The following CDC42BPA variants were observed in gnomAD, a reference collection of about 807,000 sequenced individuals.
CDC42BPA encodes serine/threonine-protein kinase MRCK alpha.
CDC42BPA carries 80 observed loss-of-function variants against 223.5 expected under a neutral mutation model. The ratio of observed to expected loss-of-function variants is 0.36; its 90% CI spans 0.30 to 0.43. The LOEUF (loss-of-function observed/expected upper bound fraction) is 0.43, where lower values mean the gene tolerates loss of function less well. CDC42BPA is among the 20% of genes least tolerant of loss of function. The pLI is 1.00. For synonymous variants in CDC42BPA, 694 were observed against 718.6 expected (o/e 0.97, Z 0.55); for missense variants, 1,743 against 2,099.9 (o/e 0.83, Z 3.32).
intron 27 of CDC42BPA, among the ~76,000 whole-genome samples, chr1:227,032,041 T>C (rs1376007395): frequency 6.6e-6 from 1 of 152,206 alleles, no homozygotes; most frequent in African/African-American, 2.4e-5. Flanking sequence ...CCATACTGAC[T>C]TGTGACTTGT....
intron 1 of CDC42BPA, among the ~76,000 whole-genome samples, chr1:227,284,980 AT>A (rs1278542717): frequency 6.6e-6 from 1 of 151,136 alleles, no homozygotes; most frequent in Non-Finnish European, 1.5e-5. Flanking sequence ...AAAAAAAATA[AT>A]CCCCTTTGTT....
chr1:227,108,731 T>G (rs1686366336), intron 14 of CDC42BPA, among the ~76,000 whole-genome samples: 2 of 152,182 alleles, frequency 1.3e-5, no homozygotes, highest in South Asian at 4.1e-4. Context: ...TCCTCCCATA[T>G]ACTTTAAATC....
chr1:227,030,619 TA>T (rs1239157149), intron 28 of CDC42BPA, 149 bp from the exon 29 acceptor site: 5 of 529,826 alleles, frequency 9.4e-6, no homozygotes, highest in Admixed American at 3.9e-5. Flanking sequence ...ATTATACTGG[TA>T]AATCTCTCAT....
At chr1:227,083,883 G>C (rs1681247673) in intron 16 of CDC42BPA, among the ~76,000 whole-genome samples, 1 of 152,146 alleles carries the variant, frequency 6.6e-6, no homozygotes, top group Non-Finnish European at 1.5e-5. Flanking sequence ...AACTTGATAG[G>C]CAATGCACTT....
At chr1:227,250,190 A>T (rs999054740) in intron 2 of CDC42BPA, among the ~76,000 whole-genome samples, 8 of 152,140 alleles carry the variant, frequency 5.3e-5, no homozygotes, top group Admixed American at 2.6e-4. Flanking sequence ...AAATTAAAAA[A>T]AATAATAATA....
Position 226,992,543 on chromosome 1 carries a change from C to G in CDC42BPA, c.*1725G>C, listed in dbSNP as rs1464015848. On this transcript the variant is annotated 3_prime_UTR_variant, in exon 37 of 37. Coordinates refer to ENST00000366766, the MANE Select transcript of CDC42BPA (RefSeq NM_001394014.1). ...GCCACCTCAGTGACACGCAGGTCAC[C>G]TCAGTGACACAGACGTGGAGTCACA... 1.3e-5 allele frequency: 2 copies of G among 152,310 alleles called. No individual in the cohort carries two copies. The highest frequency in any genetic ancestry group is 1.3e-4 in the Admixed American group (2 of 15,288). The allele number at this position is 152,310 out of a possible 1,614,324, so 9.4% of individuals were successfully genotyped here. A position where few individuals can be genotyped will look rare whatever the true frequency, so the allele number is the denominator to read the frequency against.
At chr1:227,128,911 G>A (rs1252710375) in intron 11 of CDC42BPA, among the ~76,000 whole-genome samples, 198 bp downstream of exon 11, 1 of 152,034 alleles carries the variant, frequency 6.6e-6, no homozygotes, top group Non-Finnish European at 1.5e-5. Context: ...CATATGTATT[G>A]CAATAACTGT....
At chr1:227,225,081 A>T (rs1031322888) in intron 2 of CDC42BPA, among the ~76,000 whole-genome samples, 1 of 152,238 alleles carries the variant, frequency 6.6e-6, no homozygotes, top group Non-Finnish European at 1.5e-5. Context: ...CTTTGGGGCC[A>T]TAAGAAATCA....
chr1:227,275,245 G>C (rs1023617418), intron 1 of CDC42BPA, among the ~76,000 whole-genome samples: 1 of 151,782 alleles, frequency 6.6e-6, no homozygotes. Flanking sequence ...AAATTAGAAA[G>C]CAGAGGGCAT....
intron 1 of CDC42BPA, among the ~76,000 whole-genome samples, chr1:227,260,308 T>C (rs1402688646): frequency 6.6e-6 from 1 of 151,138 alleles, no homozygotes; most frequent in Admixed American, 6.6e-5. Context: ...AAACACTGCC[T>C]GGGGTTCATT....
At chr1:227,156,959 A>G (rs540664486) in intron 6 of CDC42BPA, among the ~76,000 whole-genome samples, 2 of 152,176 alleles carry the variant, frequency 1.3e-5, no homozygotes, top group South Asian at 4.2e-4. Context: ...CCCTCTTCCA[A>G]TGTCATACCT....
intron 21 of CDC42BPA, among the ~76,000 whole-genome samples, chr1:227,053,788 A>G (rs1267795184): frequency 1.3e-5 from 2 of 152,228 alleles, no homozygotes; most frequent in Admixed American, 6.5e-5. Context: ...CCAGTTTACA[A>G]TTTTATTCAG....
intron 16 of CDC42BPA, among the ~76,000 whole-genome samples, chr1:227,090,105 A>C (rs1682807288): frequency 6.6e-6 from 1 of 152,208 alleles, no homozygotes; most frequent in South Asian, 2.1e-4. Context: ...CATGGCTTAA[A>C]AAATCAATTT....
At chr1:227,069,744 C>A (rs777339708) in intron 21 of CDC42BPA, 33 bp downstream of exon 21, 2 of 1,438,472 alleles carry the variant, frequency 1.4e-6, no homozygotes, top group South Asian at 1.2e-5. Context: ...TTTAAATTGA[C>A]CCCAGAGGAT....
chr1:227,072,156 T>C, intron 20 of CDC42BPA, 52 bp downstream of exon 20: 1 of 964,966 alleles, frequency 1.0e-6, no homozygotes, highest in Non-Finnish European at 1.6e-6. Flanking sequence ...TAATAAAATA[T>C]ATTTATAACA....
intron 12 of CDC42BPA, among the ~76,000 whole-genome samples, chr1:227,118,740 C>T (rs1008741597): frequency 2.0e-5 from 3 of 151,750 alleles, no homozygotes; most frequent in African/African-American, 7.3e-5. Context: ...AGTAATCCTA[C>T]CAATAAAAAT....
chr1:227,252,583 T>A (rs1009333579), intron 2 of CDC42BPA, among the ~76,000 whole-genome samples: 1 of 152,118 alleles, frequency 6.6e-6, no homozygotes, highest in African/African-American at 2.4e-5. Context: ...ACATTCGAAG[T>A]AGGAAAATTA....
Position 227,016,108 on chromosome 1 carries a change from C to T in CDC42BPA, c.4829G>A (p.Gly1610Glu). 6.3e-7 allele frequency: 1 copy of T among 1,597,134 alleles called. No individual in the cohort carries two copies. Among genetic ancestry groups the T allele is most frequent in the Non-Finnish European group, 8.6e-7 (1 of 1,164,878 alleles). ...GGGCAGATCTTTCAGGATCTGTATT[C>T]CATCTCCAGGACCCATGTGTGCTAT... ...NHIAHMGPGDGIQILKDLPMN... is the reference protein window; with the variant it reads ...NHIAHMGPGDEIQILKDLPMN... The change falls in exon 34 of 37, where the codon GGA (glycine) becomes GAA (glutamate). Residue 1610 changes from glycine (G) to glutamate (E), a missense_variant. Gly to Glu is a moderately conservative substitution (Grantham distance 98). Around this residue, in one of 6 missense-constraint regions of CDC42BPA, gnomAD observed 200 missense variants for 192.8 expected, o/e 1.04. Coordinates refer to ENST00000366766, the MANE Select transcript of CDC42BPA (RefSeq NM_001394014.1).
At chr1:227,169,101 C>A (rs1665657294) in intron 5 of CDC42BPA, among the ~76,000 whole-genome samples, 1 of 78,974 alleles carries the variant, frequency 1.3e-5, no homozygotes, top group Non-Finnish European at 3.0e-5. Context: ...TTGTATTTTT[C>A]ATTTCTAGAA....
Sources: allele counts gnomAD v4.1 joint callset (sites outside exome capture counted in the v4.1 genomes callset), GRCh38; gene constraint gnomAD v4.1.1; regional missense constraint gnomAD v4.1.1; transcripts MANE v1.5; gene names NCBI Gene and HGNC (gene_info 2026-07-23, HGNC 2026-07-21).